ASPH: variants seen among roughly 807,000 people sequenced by gnomAD.
ASPH encodes the protein aspartyl/asparaginyl beta-hydroxylase.
A neutral mutation model predicts 118.4 loss-of-function variants in ASPH; 100 were observed. That is an observed-to-expected ratio of 0.84 (90% CI 0.72 to 1.00). ASPH has a LOEUF of 1.00. Ranked by LOEUF, ASPH falls within the 50% of genes least tolerant of loss-of-function variation. ASPH has a pLI of 0.00. For synonymous variants in ASPH, 315 were observed against 325.6 expected, an observed-to-expected ratio of 0.97 and a Z score of 0.35; for missense variants, 920 against 919.5, an observed-to-expected ratio of 1.00 and a Z score of -0.01.
intron 3 of ASPH, chr8:61,675,247 G>T: frequency 9.3e-6 from 8 of 858,082 alleles, no homozygotes; most frequent in Non-Finnish European, 1.1e-5. Context: ...GGAAAAAATG[G>T]AAAAAGACTT....
chr8:61,608,277 T>C (rs1846191269), intron 14 of ASPH, among the ~76,000 whole-genome samples: 1 of 152,186 alleles, frequency 6.6e-6, no homozygotes. Flanking sequence ...GCTAAAGGAA[T>C]GGAGCTGAGT....
intron 2 of ASPH, 144 bp downstream of exon 2, chr8:61,683,895 T>C: frequency 1.1e-6 from 1 of 940,752 alleles, no homozygotes; most frequent in Admixed American, 2.5e-5. Flanking sequence ...CTTCTTCATA[T>C]CCCCTTTCAG....
chr8:61,527,009 A>G (rs1289613328), intron 21 of ASPH, among the ~76,000 whole-genome samples: 4 of 152,214 alleles, frequency 2.6e-5, no homozygotes, highest in Admixed American at 6.5e-5. Flanking sequence ...AATAATTTCA[A>G]TCATTTCTGT....
At position 61,562,318 on chromosome 8, in the gene ASPH, C is replaced by T. The variant is rs1830214795; in HGVS notation, c.1437+426G>A. 2.0e-5 allele frequency among the ~76,000 whole-genome samples: 3 copies of T among 147,664 alleles called. No homozygotes were observed. The South Asian group carries it at 6.4e-4, about 31-fold the overall frequency. ...TAATTTATGTCACATGCTTGAAAGG[C>T]CCCTGTTCTATATAGCCTCTCTCTA... On this transcript the variant is annotated intron_variant, in intron 18 of 24. Transcript: ENST00000379454.
intron 15 of ASPH, among the ~76,000 whole-genome samples, chr8:61,580,236 G>A (rs1026335936): frequency 2.6e-5 from 4 of 152,270 alleles, no homozygotes; most frequent in East Asian, 3.9e-4. Context: ...GATGGTGGCC[G>A]TCTTCTCACA....
chr8:61,633,126 T>C (rs1221355316), intron 13 of ASPH: 1 of 154,738 alleles, frequency 6.5e-6, no homozygotes, highest in African/African-American at 2.4e-5. Flanking sequence ...CCATTCTTTA[T>C]ATTAACTGGT....
intron 1 of ASPH, among the ~76,000 whole-genome samples, chr8:61,702,843 G>A (rs986209921): frequency 7.2e-5 from 11 of 152,046 alleles, no homozygotes; most frequent in African/African-American, 2.7e-4. Context: ...TCTAAAGTAT[G>A]GAAGGAGAAA....
intron 24 of ASPH, among the ~76,000 whole-genome samples, chr8:61,515,618 T>A (rs1321209694): frequency 1.3e-5 from 2 of 152,226 alleles, no homozygotes; most frequent in Non-Finnish European, 2.9e-5. Context: ...AGGTCTCTAT[T>A]TCCAGCCACC....
chr8:61,500,627 A>AAT lies in ASPH; in HGVS notation c.*2730_*2731dup, dbSNP rs1804663606. The AAT allele has an allele frequency of 7.2e-6, 1 of 138,940 alleles. No individual in the cohort carries two copies. Among genetic ancestry groups the AAT allele is most frequent in the South Asian group, 2.2e-4 (1 of 4,502 alleles). The allele number at this position is 138,940 out of a possible 1,614,324, so 8.6% of individuals were successfully genotyped here. A position where few individuals can be genotyped will look rare whatever the true frequency, so the allele number is the denominator to read the frequency against. On this transcript the variant is annotated 3_prime_UTR_variant, in exon 25 of 25. Coordinates refer to ENST00000379454, the MANE Select transcript of ASPH (RefSeq NM_004318.4). ...AGTCCCCAACTACTCATTCAAAAGA[A>AAT]ATCAGACATAAAATAAACAGACATC... is the stretch of plus-strand genomic sequence containing the variant.
At position 61,651,051 on chromosome 8, in the gene ASPH, A is replaced by G. The variant is rs1372437907; in HGVS notation, c.489T>C (p.His163=). The G allele has an allele frequency of 3.1e-6, 5 of 1,610,290 alleles. No individual in the cohort carries two copies. In the Admixed American group the frequency reaches 8.4e-5, roughly 27 times the overall value. ...SLLHEMVHAE[H]VEGEDLQQED... is the part of the protein sequence containing the mutation. The stretch of plus-strand genomic sequence containing the variant: ...CAAAGAGCAGATTTTAATTCATACC[A>G]TGTTCTGCGTGTACCATTTCATGGA... The change falls in exon 5 of 25, where the codon CAT becomes CAC. Residue 163 remains histidine, a splice_region_variant and synonymous_variant. Transcript: ENST00000379454.
chr8:61,553,226 C>A, intron 19 of ASPH, 106 bp from the exon 20 acceptor site: 1 of 829,460 alleles, frequency 1.2e-6, no homozygotes. Context: ...ACCTAAAAAC[C>A]AGAAAAATAT....
At chr8:61,588,998 GCCTAGT>G (rs1343900381) in intron 14 of ASPH, among the ~76,000 whole-genome samples, 1 of 152,192 alleles carries the variant, frequency 6.6e-6, no homozygotes, top group Non-Finnish European at 1.5e-5. Flanking sequence ...AGTGAAAGTG[GCCTAGT>G]CCAAAAGGCT....
chr8:61,574,532 G>A (rs1457942943), intron 16 of ASPH, among the ~76,000 whole-genome samples: 2 of 38,784 alleles, frequency 5.2e-5, no homozygotes, highest in East Asian at 1.4e-3. Flanking sequence ...AAACGGATGA[G>A]TTCACGTCTT....
chr8:61,518,971 G>C (rs1019729089), intron 22 of ASPH, among the ~76,000 whole-genome samples: 1 of 152,194 alleles, frequency 6.6e-6, no homozygotes, highest in Admixed American at 6.5e-5. Flanking sequence ...ACCAGAGAGA[G>C]GAACTGCTCA....
intron 14 of ASPH, among the ~76,000 whole-genome samples, chr8:61,593,920 G>C (rs922843261): frequency 6.6e-6 from 1 of 152,160 alleles, no homozygotes; most frequent in Non-Finnish European, 1.5e-5. Context: ...TAATCTTGGT[G>C]TTCTGTTTCT....
intron 1 of ASPH, chr8:61,689,538 G>A: frequency 1.2e-6 from 1 of 805,914 alleles, no homozygotes; most frequent in East Asian, 2.7e-5. Flanking sequence ...ATCTCCAGGA[G>A]TTCAAAATAG....
rs190875396 is a variant in ASPH, at chr8:61,622,691, T to C, written c.935-3672A>G. Among the ~76,000 whole-genome samples the C allele has an allele frequency of 2.0e-5, 3 of 152,304 alleles. No homozygotes were observed. The East Asian group carries it at 5.8e-4, about 29-fold the overall frequency. On this transcript the variant is annotated intron_variant, in intron 13 of 24. Transcript: ENST00000379454. ...TGCTCTTTGGCCTCCCTCCAATGGC[T>C]TCCACCTTGCACCAGCTGCCGGAGA...
At chr8:61,668,166 G>A in intron 3 of ASPH, 1 of 1,466,654 alleles carries the variant, frequency 6.8e-7, no homozygotes, top group Non-Finnish European at 9.5e-7. Context: ...AACATTCCCA[G>A]AAAATGTCAT....
chr8:61,611,221 C>G (rs1318443637), intron 14 of ASPH, among the ~76,000 whole-genome samples: 9 of 152,204 alleles, frequency 5.9e-5, no homozygotes, highest in Non-Finnish European at 1.2e-4. Context: ...CTTGCAACAG[C>G]CATAAACATT....
Sources: gnomAD v4.1 joint callset for allele counts (sites outside exome capture counted in the v4.1 genomes callset) on GRCh38, gnomAD v4.1.1 for gene constraint, MANE v1.5 for transcripts, NCBI Gene and HGNC (gene_info 2026-07-23, HGNC 2026-07-21) for gene names.